GCLC: variants seen among roughly 807,000 people sequenced by gnomAD.
GCLC encodes the protein glutamate-cysteine ligase catalytic subunit, also known as glutamate--cysteine ligase catalytic subunit.
A neutral mutation model predicts 81.5 loss-of-function variants in GCLC; 30 were observed. The ratio of observed to expected loss-of-function variants is 0.37; its 90% CI spans 0.28 to 0.50. GCLC has a LOEUF of 0.50. Among genes scored for constraint, GCLC ranks in the 20% least tolerant of loss-of-function variants. The probability of loss-of-function intolerance (pLI) is 0.96; values close to 1 mark genes in which losing one functional copy is unlikely to be tolerated. For synonymous variants in GCLC, 262 were observed against 273.3 expected (o/e 0.96, Z 0.41); for missense variants, 556 against 777.4 (o/e 0.72, Z 3.39).
chr6:53,511,899 T>TGGGG (rs11427213), intron 6 of GCLC, among the ~76,000 whole-genome samples: 12 of 59,892 alleles, frequency 2.0e-4, no homozygotes, highest in East Asian at 8.5e-4. Flanking sequence ...CACATGACTT[T>TGGGG]GGGGGGGGGG....
In GCLC at chr6:53,542,083, C is replaced by T. The variant is rs567533824; in HGVS notation, c.150+2413G>A. The stretch of plus-strand genomic sequence containing the variant: ...TATTGCCCAGGCTGGCCTTCAACTC[C>T]TGGGCTCAAGCAATCCTCCTGCCTG... On this transcript the variant is annotated intron_variant, in intron 1 of 15. Transcript: ENST00000650454. Among the ~76,000 whole-genome samples, 5 of 152,322 alleles carry T rather than the reference C, an allele frequency of 3.3e-5. No individual in the cohort carries two copies. In the South Asian group the frequency reaches 1.0e-3, roughly 32 times the overall value.
Position 53,508,493 on chromosome 6 carries a change from A to G in GCLC, c.945+102T>C. 3 of 793,302 alleles carry G rather than the reference A, an allele frequency of 3.8e-6. 1 individual carries two copies. The South Asian group carries it at 4.1e-5, about 11-fold the overall frequency. The allele number at this position is 793,302 out of a possible 1,614,324, so 49.1% of individuals were successfully genotyped here. A position where few individuals can be genotyped will look rare whatever the true frequency, so the allele number is the denominator to read the frequency against. On this transcript the variant is annotated intron_variant, in intron 8 of 15. Transcript: ENST00000650454. ...TAGACCAAATCTTTTTCCCCATTTC[A>G]GATAAAAATTGCAGGGAGACATCCT... is the stretch of plus-strand genomic sequence containing the variant.
At chr6:53,534,225 T>G (rs1763220690) in intron 1 of GCLC, among the ~76,000 whole-genome samples, 1 of 152,190 alleles carries the variant, frequency 6.6e-6, no homozygotes, top group South Asian at 2.1e-4. Flanking sequence ...AAATATCCAG[T>G]CACAGGATGA....
intron 1 of GCLC, among the ~76,000 whole-genome samples, chr6:53,536,305 C>G (rs4712035): frequency 0.28 from 42,565 of 151,882 alleles, 6,930 homozygotes; most frequent in East Asian, 0.51. Context: ...ATGGGATGGC[C>G]AGAGGAAGAA....
intron 6 of GCLC, 87 bp downstream of exon 6, chr6:53,514,117 T>C: frequency 7.7e-7 from 1 of 1,292,398 alleles, no homozygotes; most frequent in Non-Finnish European, 1.1e-6. Flanking sequence ...AAATGTGATT[T>C]TTGGAACAGG....
intron 1 of GCLC, among the ~76,000 whole-genome samples, chr6:53,531,505 C>A (rs888289433): frequency 5.3e-5 from 8 of 152,204 alleles, no homozygotes; most frequent in Non-Finnish European, 1.0e-4. Context: ...GAAACTCCAA[C>A]ATCCCTCCTA....
At chr6:53,501,656 T>C (rs990359205) in intron 12 of GCLC, among the ~76,000 whole-genome samples, 9 of 152,190 alleles carry the variant, frequency 5.9e-5, no homozygotes, top group African/African-American at 1.4e-4. Context: ...GGGAGTGCGA[T>C]TGTTATGGTT....
chr6:53,502,094 C>T (rs796435196), intron 12 of GCLC, among the ~76,000 whole-genome samples: 4 of 152,204 alleles, frequency 2.6e-5, no homozygotes, highest in African/African-American at 7.2e-5. Flanking sequence ...TTAGCGGGAA[C>T]GCATGCTGTA....
At chr6:53,517,079 A>AATTTTT (rs372330233) in intron 3 of GCLC, among the ~76,000 whole-genome samples, 1 of 104,430 alleles carries the variant, frequency 9.6e-6, no homozygotes. Context: ...TTAAAAAAAA[A>AATTTTT]TTTTTTTTTT....
chr6:53,499,322 T>G (rs1364293104), intron 15 of GCLC, among the ~76,000 whole-genome samples: 1 of 152,174 alleles, frequency 6.6e-6, no homozygotes, highest in Non-Finnish European at 1.5e-5. Flanking sequence ...CAAATGCCAG[T>G]GTCATGAGAC....
At chr6:53,505,329 T>A (rs1013825288) in intron 12 of GCLC, 63 bp downstream of exon 12, 3 of 759,552 alleles carry the variant, frequency 3.9e-6, no homozygotes, top group Non-Finnish European at 7.1e-6. Context: ...ATAAATAGCA[T>A]ATATAAATAA....
At chr6:53,526,301 G>A (rs186557718) in intron 1 of GCLC, among the ~76,000 whole-genome samples, 3 of 152,264 alleles carry the variant, frequency 2.0e-5, no homozygotes, top group East Asian at 3.9e-4. Flanking sequence ...TAACTGAGGC[G>A]ATGTAAGTAC....
chr6:53,523,324 C>CTG (rs913489088), intron 1 of GCLC: 2 of 152,208 alleles, frequency 1.3e-5, no homozygotes, highest in African/African-American at 4.8e-5. Context: ...TTATGAATCA[C>CTG]TGTGTGTGAT....
At position 53,506,089 on chromosome 6, in the gene GCLC, C is replaced by A; in HGVS notation, c.1198-194G>T. 1 of 572,000 alleles carries A rather than the reference C, an allele frequency of 1.7e-6. No homozygotes were observed. The highest frequency in any genetic ancestry group is 3.2e-6 in the Non-Finnish European group (1 of 314,248). The allele number at this position is 572,000 out of a possible 1,614,324, so 35.4% of individuals were successfully genotyped here. On this transcript the variant is annotated intron_variant, in intron 10 of 15. Coordinates refer to ENST00000650454, the MANE Select transcript of GCLC (RefSeq NM_001498.4). This position sits in a 1 kb window ranked among gnomAD's most constrained non-coding sequence, Gnocchi z 4.0. ...GAAAACAAAACAGCCAAGTGTTTAA[C>A]AAAAGCTATGAGGCCCTATCACTGC... is the stretch of plus-strand genomic sequence containing the variant.
At chr6:53,528,923 A>G (rs1763127202) in intron 1 of GCLC, among the ~76,000 whole-genome samples, 1 of 152,222 alleles carries the variant, frequency 6.6e-6, no homozygotes, top group East Asian at 1.9e-4. Context: ...CTTTAATAAA[A>G]TAGAGAAAGA....
At chr6:53,499,011 G>C (rs1561936374) in intron 15 of GCLC, 44 bp from the exon 16 acceptor site, 3 of 1,106,252 alleles carry the variant, frequency 2.7e-6, no homozygotes, top group East Asian at 2.6e-5. Flanking sequence ...AACCACGTAA[G>C]TTTTTTTTTT....
intron 1 of GCLC, among the ~76,000 whole-genome samples, chr6:53,542,053 C>T (rs373952082): frequency 8.5e-5 from 13 of 152,170 alleles, no homozygotes; most frequent in African/African-American, 1.7e-4. Context: ...GATGGGGTCT[C>T]GCTATATTGC....
At chr6:53,508,823 A>C in intron 7 of GCLC, 112 bp from the exon 8 acceptor site, 1 of 639,176 alleles carries the variant, frequency 1.6e-6, no homozygotes, top group South Asian at 1.5e-5. Context: ...CAACCCATAC[A>C]GAGCACATGT....
At chr6:53,512,606 C>T (rs1168741538) in intron 6 of GCLC, among the ~76,000 whole-genome samples, 1 of 152,088 alleles carries the variant, frequency 6.6e-6, no homozygotes, top group Non-Finnish European at 1.5e-5. Flanking sequence ...CACACTTTAT[C>T]TGAGCTAACG....
Sources: allele counts gnomAD v4.1 joint callset (sites outside exome capture counted in the v4.1 genomes callset), GRCh38; gene constraint gnomAD v4.1.1; non-coding constraint Gnocchi (gnomAD v3.1); transcripts MANE v1.5; gene names NCBI Gene and HGNC (gene_info 2026-07-23, HGNC 2026-07-21).